Variants in GRIP1 observed in about 807,000 individuals in gnomAD.
GRIP1 encodes glutamate receptor interacting protein 1.
A neutral mutation model predicts 129.9 loss-of-function variants in GRIP1; 45 were observed. The ratio of observed to expected loss-of-function variants is 0.35; its 90% confidence interval spans 0.27 to 0.44. The LOEUF (loss-of-function observed/expected upper bound fraction) is 0.44. Among genes scored for constraint, GRIP1 ranks in the 20% least tolerant of loss-of-function variants. The probability of loss-of-function intolerance (pLI) is 1.00; values close to 1 mark genes in which losing one functional copy is unlikely to be tolerated. For synonymous variants in GRIP1, 530 were observed against 520.8 expected, an observed-to-expected ratio of 1.02 and a Z score of -0.24; for missense variants, 1,196 against 1,396.8, an observed-to-expected ratio of 0.86 and a Z score of 2.29.
rs73325174 is a variant in GRIP1, at chr12:66,631,766, T to C, written c.56-34839A>G. ...GTCCTACCATGTGAGTCAGTTGATA[T>C]AGAAATTTCTATCTAAGCAGAGGAT... On this transcript the variant is annotated intron_variant, in intron 1 of 24. Transcript: ENST00000359742. Among the ~76,000 whole-genome samples the C allele has an allele frequency of 4.5e-3, 683 of 152,356 alleles. 12 individuals are homozygous for C. The highest frequency in any genetic ancestry group is 0.015 in the African/African-American group (631 of 41,588).
chr12:67,015,306 A>G (rs1171165462), intron 1 of GRIP1, among the ~76,000 whole-genome samples: 1 of 152,220 alleles, frequency 6.6e-6, no homozygotes, highest in Admixed American at 6.5e-5. Flanking sequence ...ATAAATTCTT[A>G]GCAAGCTTAG....
intron 5 of GRIP1, among the ~76,000 whole-genome samples, chr12:66,527,118 C>T (rs1463861043): frequency 1.3e-4 from 19 of 147,032 alleles, no homozygotes; most frequent in Non-Finnish European, 2.3e-4. Context: ...GTCAGTGTGG[C>T]GATTCCTCAG....
chr12:66,450,314 AAAAAAAAAAAAAAAAAAAAG>A (rs1311263855), intron 11 of GRIP1, among the ~76,000 whole-genome samples: 1 of 147,852 alleles, frequency 6.8e-6, no homozygotes, highest in Non-Finnish European at 1.5e-5. Flanking sequence ...AAAAAAAAAA[AAAAAAAAAAAAAAAAAAAAG>A]AAAGAGCCAA....
At chr12:66,815,241 G>T (rs1435605705) in intron 1 of GRIP1, among the ~76,000 whole-genome samples, 1 of 152,148 alleles carries the variant, frequency 6.6e-6, no homozygotes, top group African/African-American at 2.4e-5. Flanking sequence ...GACTCTCATG[G>T]ATGAGGGTGG....
At chr12:66,704,550 C>T (rs998168942) in intron 1 of GRIP1, among the ~76,000 whole-genome samples, 1 of 152,030 alleles carries the variant, frequency 6.6e-6, no homozygotes, top group Non-Finnish European at 1.5e-5. Flanking sequence ...CAAGTAATCA[C>T]AGAATTGTGA....
At position 66,442,298 on chromosome 12, in the gene GRIP1, C is replaced by T. The variant is rs553260239; in HGVS notation, c.1687+2286G>A. Among the ~76,000 whole-genome samples the T allele has an allele frequency of 1.0e-3, 153 of 152,204 alleles. 1 individual carries two copies. In the South Asian group the frequency reaches 0.03, roughly 30 times the overall value. ...GGAACAGCCCTTTTTGTTGTTTCTCCAGCAAGCTAATTGTTCTGGCTTAGG... is the reference window on the plus strand; with the variant it reads ...GGAACAGCCCTTTTTGTTGTTTCTCTAGCAAGCTAATTGTTCTGGCTTAGG... On this transcript the variant is annotated intron_variant, in intron 13 of 24. Transcript: ENST00000359742.
chr12:66,586,446 C>T (rs773006795), intron 2 of GRIP1, among the ~76,000 whole-genome samples: 2 of 152,116 alleles, frequency 1.3e-5, no homozygotes, highest in Non-Finnish European at 2.9e-5. Context: ...TAGTATGCCC[C>T]AGTTTCAAAC....
At chr12:66,890,768 T>C (rs966631827) in intron 1 of GRIP1, among the ~76,000 whole-genome samples, 3 of 152,218 alleles carry the variant, frequency 2.0e-5, no homozygotes, top group African/African-American at 7.2e-5. Flanking sequence ...AAAGAAATTA[T>C]CTGCCTAAAG....
intron 1 of GRIP1, among the ~76,000 whole-genome samples, chr12:67,043,869 A>T (rs890937436): frequency 2.0e-4 from 30 of 149,442 alleles, no homozygotes; most frequent in Non-Finnish European, 2.8e-4. Context: ...CTTGAAGTTT[A>T]TTTTTTTTTT....
At chr12:66,950,101 CT>C (rs1374177793) in intron 1 of GRIP1, among the ~76,000 whole-genome samples, 1 of 152,058 alleles carries the variant, frequency 6.6e-6, no homozygotes, top group Non-Finnish European at 1.5e-5. Flanking sequence ...TGTTCCCACT[CT>C]CATATTTGTC....
intron 1 of GRIP1, among the ~76,000 whole-genome samples, chr12:66,771,857 T>G (rs1435505416): frequency 2.6e-5 from 4 of 152,354 alleles, no homozygotes; most frequent in African/African-American, 9.6e-5. Flanking sequence ...TGAGGTTACA[T>G]CTGTGGAGGC....
chr12:66,599,382 T>C (rs2029692), intron 1 of GRIP1, among the ~76,000 whole-genome samples: 23,053 of 152,150 alleles, frequency 0.15, 1,960 homozygotes, highest in African/African-American at 0.21. Flanking sequence ...ACATTGATCA[T>C]CAGAGTTAAG....
At chr12:66,527,499 G>C (rs1271393713) in intron 5 of GRIP1, among the ~76,000 whole-genome samples, 1 of 151,720 alleles carries the variant, frequency 6.6e-6, no homozygotes, top group African/African-American at 2.4e-5. Context: ...ACAGGAAGGG[G>C]AACATCACAC....
chr12:66,443,135 C>T (rs1257366534), intron 13 of GRIP1, among the ~76,000 whole-genome samples: 1 of 152,188 alleles, frequency 6.6e-6, no homozygotes, highest in African/African-American at 2.4e-5. Context: ...AATCCACACA[C>T]CTGTTAGCTA....
intron 1 of GRIP1, among the ~76,000 whole-genome samples, chr12:66,898,262 T>G (rs2040785571): frequency 6.6e-6 from 1 of 152,248 alleles, no homozygotes; most frequent in Admixed American, 6.5e-5. Flanking sequence ...GAACTGGTTA[T>G]AGCTTATGGC....
At chr12:66,922,095 T>G (rs1455335962) in intron 1 of GRIP1, among the ~76,000 whole-genome samples, 1 of 148,844 alleles carries the variant, frequency 6.7e-6, no homozygotes, top group Non-Finnish European at 1.5e-5. Flanking sequence ...TGGTTTATAT[T>G]TCATTTAGAA....
At chr12:66,775,986 A>T (rs1435375681) in intron 1 of GRIP1, among the ~76,000 whole-genome samples, 1 of 152,202 alleles carries the variant, frequency 6.6e-6, no homozygotes, top group Admixed American at 6.5e-5. Flanking sequence ...ATCTCCAGGG[A>T]CCCACACGTT....
chr12:66,995,041 C>T (rs1325041598), intron 1 of GRIP1, among the ~76,000 whole-genome samples: 1 of 151,900 alleles, frequency 6.6e-6, no homozygotes, highest in Non-Finnish European at 1.5e-5. Flanking sequence ...TAAACCCTTA[C>T]GTTTATGATA....
intron 11 of GRIP1, among the ~76,000 whole-genome samples, chr12:66,454,357 T>C (rs541868918): frequency 6.6e-6 from 1 of 152,344 alleles, no homozygotes; most frequent in East Asian, 1.9e-4. Context: ...TTTATTCCCA[T>C]GGTGAGCACA....
Sources: allele counts gnomAD v4.1 joint callset (sites outside exome capture counted in the v4.1 genomes callset), GRCh38; gene constraint gnomAD v4.1.1; transcripts MANE v1.5; gene names NCBI Gene and HGNC (gene_info 2026-07-23, HGNC 2026-07-21).